The following CDH23 variants were observed in gnomAD, a reference collection of about 807,000 sequenced individuals.
The protein encoded by CDH23 is cadherin related 23, also known as cadherin-23.
A neutral mutation model predicts 317.1 loss-of-function variants in CDH23; 189 were observed. The observed-to-expected ratio is 0.60, with a 90% CI of 0.53 to 0.67. The LOEUF (loss-of-function observed/expected upper bound fraction) is 0.67, where lower values mean the gene tolerates loss of function less well. CDH23 is among the 30% of genes least tolerant of loss of function. The probability of loss-of-function intolerance (pLI) is 0.00; values close to 1 mark genes in which losing one functional copy is unlikely to be tolerated. For missense variants in CDH23, 4,401 were observed against 4,592.4 expected, an observed-to-expected ratio of 0.96 and a Z score of 1.20; for synonymous variants, 1,839 against 1,876.8, an observed-to-expected ratio of 0.98 and a Z score of 0.52.
chr10:71,777,633 G>C, intron 38 of CDH23, 47 bp from the exon 39 acceptor site: 1 of 1,543,126 alleles, frequency 6.5e-7, no homozygotes, highest in Non-Finnish European at 8.8e-7. Context: ...ATCCACCTTG[G>C]TCCCTCTGGC....
rs1348259926 is a variant in CDH23 at position 71,803,210 on chromosome 10, G to A, written c.7662G>A (p.Glu2554=). 6.2e-7 allele frequency: 1 copy of A among 1,607,476 alleles called. No individual in the cohort carries two copies. Among genetic ancestry groups the A allele is most frequent in the African/African-American group, 1.3e-5 (1 of 74,876 alleles). The change falls in exon 55 of 70, where the codon GAG becomes GAA. Residue 2554 remains glutamate (E), a splice_region_variant and synonymous_variant. Transcript: ENST00000224721. ...CTACTCTCCTGCTCCCACTGCCAGA[G>A]GCCTTCCATGTGGACATGGACTCGG... is the stretch of plus-strand genomic sequence containing the variant. ...LTYSLEGPGV[E]AFHVDMDSGL...
At chr10:71,789,124 C>T in intron 45 of CDH23, 82 bp downstream of exon 45, 1 of 743,650 alleles carries the variant, frequency 1.3e-6, no homozygotes, top group South Asian at 1.4e-5. Flanking sequence ...TCCCTTATGC[C>T]TAACGGCATA....
chr10:71,592,876 C>G (rs1859588535), intron 9 of CDH23, among the ~76,000 whole-genome samples: 1 of 152,184 alleles, frequency 6.6e-6, no homozygotes, highest in Admixed American at 6.5e-5. Flanking sequence ...GTCTACACTG[C>G]CTCTTCTTCG....
chr10:71,750,941 G>A (rs1839982523), intron 38 of CDH23: 2 of 319,910 alleles, frequency 6.3e-6, no homozygotes, highest in Non-Finnish European at 1.2e-5. Context: ...AACGAGAGCT[G>A]CTGAAGGGCT....
chr10:71,702,701 C>T lies in CDH23; in HGVS notation c.2733+7C>T. On this transcript the variant is annotated splice_region_variant and intron_variant, in intron 24 of 69. Coordinates refer to ENST00000224721, the MANE Select transcript of CDH23 (RefSeq NM_022124.6). ...GGGGGTCTCCATCTACCAAGTGAGT[C>T]TCTATCATCTCATTCCTACCAGCCC... 2 of 1,613,518 alleles carry T rather than the reference C, an allele frequency of 1.2e-6. No individual in the cohort carries two copies. The highest frequency in any genetic ancestry group is 1.7e-6 in the Non-Finnish European group (2 of 1,179,860).
At position 71,566,891 on chromosome 10, in the gene CDH23, G is replaced by A; in HGVS notation, c.579G>A (p.Leu193=). 2 of 1,613,792 alleles carry A rather than the reference G, an allele frequency of 1.2e-6. No homozygotes were observed. The highest frequency in any genetic ancestry group is 8.5e-7 in the Non-Finnish European group (1 of 1,179,872). The change falls in exon 7 of 70, where the codon CTG becomes CTA. Residue 193 remains leucine, a synonymous_variant. Coordinates refer to ENST00000224721, the MANE Select transcript of CDH23 (RefSeq NM_022124.6). The part of the protein sequence containing the change: ...ARGIVTVIRE[L]DYETTQAYQL... The stretch of plus-strand genomic sequence containing the variant: ...GTATCGTCACAGTGATCCGGGAGCT[G>A]GACTACGAGACCACACAGGCCTACC...
At chr10:71,737,692 C>A (rs1241952102) in intron 34 of CDH23, 1 of 470,026 alleles carries the variant, frequency 2.1e-6, no homozygotes. Context: ...GCTCCTCCAA[C>A]CCCCCTCACA....
chr10:71,810,184 G>A (rs980488987), intron 61 of CDH23, 108 bp downstream of exon 61: 1 of 1,324,158 alleles, frequency 7.6e-7, no homozygotes, highest in Non-Finnish European at 1.1e-6. Context: ...GTGAAAGGCA[G>A]TATAGTCCCT....
chr10:71,628,473 G>A (rs1034772771), intron 11 of CDH23, among the ~76,000 whole-genome samples: 3 of 152,282 alleles, frequency 2.0e-5, no homozygotes. Context: ...TGTTAAAAAG[G>A]AATTCATATC....
intron 38 of CDH23, among the ~76,000 whole-genome samples, chr10:71,767,552 G>A (rs975303720): frequency 6.6e-6 from 1 of 152,214 alleles, no homozygotes; most frequent in South Asian, 2.1e-4. Flanking sequence ...CATCCCCCAG[G>A]ATGGTCCACA....
At chr10:71,509,333 T>A (rs1853820618) in intron 3 of CDH23, among the ~76,000 whole-genome samples, 1 of 152,202 alleles carries the variant, frequency 6.6e-6, no homozygotes, top group Admixed American at 6.5e-5. Context: ...CTAAACTGAC[T>A]TAGGCCAAAG....
In CDH23 at chr10:71,811,398, T is replaced by A; in HGVS notation, c.9161T>A (p.Ile3054Asn). ...AACGTCCTGGACGTGCAGCCTGCCATCTCTGTCCGGCTGCCGGATGACATG... is the reference window on the plus strand; with the variant it reads ...AACGTCCTGGACGTGCAGCCTGCCAACTCTGTCCGGCTGCCGGATGACATG... Reference protein sequence around the residue: ...NYNVLDVQPAISVRLPDDMSA... With the variant: ...NYNVLDVQPANSVRLPDDMSA... The change falls in exon 63 of 70, where the codon ATC (isoleucine) becomes AAC (asparagine). Residue 3054 changes from isoleucine (I) to asparagine (N), a missense_variant. This residue lies in a region of CDH23 where 1,144 missense variants were observed against 1,138.2 expected (regional missense o/e 1.01). Transcript: ENST00000224721. 1 of 1,613,962 alleles carries A rather than the reference T, an allele frequency of 6.2e-7. No homozygotes were observed. Among genetic ancestry groups the A allele is most frequent in the Non-Finnish European group, 8.5e-7 (1 of 1,179,886 alleles).
rs1564779572 is a variant in CDH23, at chr10:71,760,000, T to TATATACACACAC, written c.4846-17679_4846-17678insTATACACACACA. 3.2e-3 allele frequency among the ~76,000 whole-genome samples: 85 copies of TATATACACACAC among 26,722 alleles called. 10 individuals are homozygous for TATATACACACAC. Among genetic ancestry groups the TATATACACACAC allele is most frequent in the South Asian group, 7.8e-3 (6 of 772 alleles). The allele number at this position is 26,722 out of a possible 152,430, so 17.5% of individuals were successfully genotyped here. On this transcript the variant is annotated intron_variant, in intron 38 of 69. Transcript: ENST00000224721. ...ACACACATATATATACACACACACA[T>TATATACACACAC]ACATATATATACACACACACATATA... is the stretch of plus-strand genomic sequence containing the variant.
At chr10:71,728,987 C>A (rs1017289453) in intron 30 of CDH23, among the ~76,000 whole-genome samples, 1 of 152,062 alleles carries the variant, frequency 6.6e-6, no homozygotes, top group South Asian at 2.1e-4. Context: ...CGTGCTATCA[C>A]CCCTGGCTAA....
chr10:71,539,526 A>G (rs1855878795), intron 6 of CDH23, among the ~76,000 whole-genome samples: 1 of 151,880 alleles, frequency 6.6e-6, no homozygotes, highest in African/African-American at 2.4e-5. Context: ...GATGAACTAA[A>G]TGATGCAAAA....
At chr10:71,737,798 C>G (rs1336486013) in intron 34 of CDH23, 1 of 466,846 alleles carries the variant, frequency 2.1e-6, no homozygotes, top group Non-Finnish European at 4.4e-6. Flanking sequence ...GGCCTTCACT[C>G]TCCTGCCTCT....
At chr10:71,541,156 C>T (rs1345228696) in intron 6 of CDH23, among the ~76,000 whole-genome samples, 1 of 152,132 alleles carries the variant, frequency 6.6e-6, no homozygotes, top group Non-Finnish European at 1.5e-5. Context: ...CTTTCAAACC[C>T]CCTTCTCTCC....
Position 71,532,711 on chromosome 10 carries a change from G to T in CDH23, c.429+21499G>T, listed in dbSNP as rs113960263. 1.0e-2 allele frequency among the ~76,000 whole-genome samples: 1,271 copies of T among 127,554 alleles called. 15 individuals are homozygous for T. The highest frequency in any genetic ancestry group is 0.017 in the African/African-American group (587 of 34,770). 83.7% of individuals were successfully genotyped at this position (127,554 alleles called of 152,430 possible). ...TGTTGGCAAGTTTTCTTTTGTTTTT[G>T]TTTTTTTTTTTTTTTGTTTTTTTTT... On this transcript the variant is annotated intron_variant, in intron 6 of 69. Coordinates refer to ENST00000224721, the MANE Select transcript of CDH23 (RefSeq NM_022124.6).
At chr10:71,515,933 A>T (rs1044983480) in intron 6 of CDH23, among the ~76,000 whole-genome samples, 1 of 152,220 alleles carries the variant, frequency 6.6e-6, no homozygotes, top group Non-Finnish European at 1.5e-5. Flanking sequence ...TATTGGAAAC[A>T]GTGTGGTCTG....
Sources: allele counts gnomAD v4.1 joint callset (sites outside exome capture counted in the v4.1 genomes callset), GRCh38; gene constraint gnomAD v4.1.1; regional missense constraint gnomAD v4.1.1; transcripts MANE v1.5; gene names NCBI Gene and HGNC (gene_info 2026-07-23, HGNC 2026-07-21).